The following CTNND2 variants were observed in gnomAD, a reference collection of about 807,000 sequenced individuals.
The protein encoded by CTNND2 is catenin delta-2.
Under a neutral mutation model 144.4 loss-of-function variants are expected in CTNND2, and 22 were observed. The ratio of observed to expected loss-of-function variants is 0.15; its 90% CI spans 0.11 to 0.22. The LOEUF is 0.22. CTNND2 is among the 10% of genes least tolerant of loss of function. The pLI is 1.00. For missense variants in CTNND2, 1,353 were observed against 1,618.8 expected (o/e 0.84, Z 2.82); for synonymous variants, 751 against 695.6 (o/e 1.08, Z -1.25).
At chr5:11,900,659 T>C (rs1045585209) in intron 1 of CTNND2, among the ~76,000 whole-genome samples, 1 of 152,216 alleles carries the variant, frequency 6.6e-6, no homozygotes, top group African/African-American at 2.4e-5. Context: ...ACCAGAAGGC[T>C]ATCAAAGTAC....
intron 3 of CTNND2, 138 bp downstream of exon 3, chr5:11,564,806 A>G (rs1275484243): frequency 3.3e-6 from 2 of 606,032 alleles, no homozygotes; most frequent in African/African-American, 3.7e-5. Flanking sequence ...AACATCTTAA[A>G]TCAGGTCAGT....
intron 2 of CTNND2, among the ~76,000 whole-genome samples, chr5:11,718,821 C>T (rs193216395): frequency 6.6e-6 from 1 of 152,186 alleles, no homozygotes; most frequent in Admixed American, 6.5e-5. Flanking sequence ...TTTTTCTCTA[C>T]CAAATATCCT....
intron 9 of CTNND2, among the ~76,000 whole-genome samples, chr5:11,289,581 A>C (rs758757172): frequency 1.3e-5 from 2 of 152,212 alleles, no homozygotes; most frequent in African/African-American, 2.4e-5. Context: ...TCCCTATGGT[A>C]TCAGTCAGAC....
intron 2 of CTNND2, among the ~76,000 whole-genome samples, chr5:11,609,763 G>A (rs1396260806): frequency 1.3e-5 from 2 of 152,162 alleles, no homozygotes; most frequent in African/African-American, 2.4e-5. Context: ...TGGGACCCAG[G>A]TGGGTTTGAA....
At chr5:11,765,675 C>T (rs1474854730) in intron 1 of CTNND2, among the ~76,000 whole-genome samples, 2 of 152,052 alleles carry the variant, frequency 1.3e-5, no homozygotes, top group African/African-American at 2.4e-5. Flanking sequence ...TTGGGGTCGT[C>T]TGTGTATGCA....
chr5:11,576,821 T>C (rs1160662887), intron 2 of CTNND2, among the ~76,000 whole-genome samples: 1 of 152,142 alleles, frequency 6.6e-6, no homozygotes, highest in Non-Finnish European at 1.5e-5. Context: ...AGTAGCTCTT[T>C]GAGAGTTGAA....
At chr5:11,433,489 G>T (rs1045054480) in intron 3 of CTNND2, among the ~76,000 whole-genome samples, 1 of 152,158 alleles carries the variant, frequency 6.6e-6, no homozygotes, top group Non-Finnish European at 1.5e-5. Flanking sequence ...TAAAAAAAGA[G>T]ATTTAATTGG....
chr5:10,997,752 C>T (rs913655368), intron 18 of CTNND2, among the ~76,000 whole-genome samples: 1 of 152,078 alleles, frequency 6.6e-6, no homozygotes, highest in Non-Finnish European at 1.5e-5. Flanking sequence ...TCGGGACAGT[C>T]GTTTAGTCAA....
At chr5:11,687,381 C>T (rs1784703754) in intron 2 of CTNND2, among the ~76,000 whole-genome samples, 1 of 152,228 alleles carries the variant, frequency 6.6e-6, no homozygotes, top group African/African-American at 2.4e-5. Flanking sequence ...TCCAGGGCCC[C>T]AGATAAAGCA....
Position 10,973,736 on chromosome 5 carries a change from A to C in CTNND2, c.3418-23T>G, listed in dbSNP as rs752990072. ...AACCTAAACGGGAAAGAAGAGCCACACTGGGTTACTTGGTTTCCCTTGACT... is the reference window on the plus strand; with the variant it reads ...AACCTAAACGGGAAAGAAGAGCCACCCTGGGTTACTTGGTTTCCCTTGACT... On this transcript the variant is annotated intron_variant, in intron 21 of 21. Coordinates refer to ENST00000304623, the MANE Select transcript of CTNND2 (RefSeq NM_001332.4). The surrounding 1 kb of genome is among the most constrained non-coding windows in gnomAD (Gnocchi z 5.6). The C allele has an allele frequency of 1.3e-6, 2 of 1,565,632 alleles. No homozygotes were observed. Among genetic ancestry groups the C allele is most frequent in the East Asian group, 4.5e-5 (2 of 44,488 alleles).
In CTNND2 at chr5:11,110,028, G is replaced by A. The variant is rs140483901; in HGVS notation, c.2463+830C>T. Reference sequence around the variant, plus strand: ...GTAAGCTCCTTGATGAGATAAATCAGTTTCCAGGCCCTGAAGTTAACCGCT... The same window carrying A: ...GTAAGCTCCTTGATGAGATAAATCAATTTCCAGGCCCTGAAGTTAACCGCT... On this transcript the variant is annotated intron_variant, in intron 14 of 21. Transcript: ENST00000304623. Among the ~76,000 whole-genome samples, 3 of 152,218 alleles carry A rather than the reference G, an allele frequency of 2.0e-5. No homozygotes were observed. The East Asian group carries it at 5.8e-4, about 29-fold the overall frequency.
At position 11,088,891 on chromosome 5, in the gene CTNND2, T is replaced by C. The variant is rs555354268; in HGVS notation, c.2638-6045A>G. Reference sequence around the variant, plus strand: ...ATTTAGATGACCTTACTGCAAATTATTATTGATTGCTGGTAGGGGATGAGT... The same window carrying C: ...ATTTAGATGACCTTACTGCAAATTACTATTGATTGCTGGTAGGGGATGAGT... On this transcript the variant is annotated intron_variant, in intron 15 of 21. Coordinates refer to ENST00000304623, the MANE Select transcript of CTNND2 (RefSeq NM_001332.4). Among the ~76,000 whole-genome samples, 6 of 152,328 alleles carry C rather than the reference T, an allele frequency of 3.9e-5. No homozygotes were observed. In the South Asian group the frequency reaches 1.2e-3, roughly 32 times the overall value.
chr5:11,651,384 A>G (rs1296279038), intron 2 of CTNND2, among the ~76,000 whole-genome samples: 1 of 152,244 alleles, frequency 6.6e-6, no homozygotes, highest in Non-Finnish European at 1.5e-5. Context: ...ATATGCAGGC[A>G]AAAGTCTGCT....
At chr5:11,104,688 C>G (rs953009958) in intron 14 of CTNND2, among the ~76,000 whole-genome samples, 1 of 152,012 alleles carries the variant, frequency 6.6e-6, no homozygotes, top group East Asian at 1.9e-4. Flanking sequence ...TGTCTGAATC[C>G]CCCAGGAGCT....
chr5:10,986,739 C>T (rs747931388), intron 20 of CTNND2: 21 of 453,096 alleles, frequency 4.6e-5, no homozygotes, highest in South Asian at 3.1e-4. Flanking sequence ...GCAGAATGTG[C>T]TCCTGGGGGC....
Position 11,033,803 on chromosome 5 carries a change from C to T in CTNND2, c.2789-10824G>A, listed in dbSNP as rs560649916. ...TGAGATCATGCCACTGTACTCCAGC[C>T]CAGGCAACAGAGTACGACTGTCTCA... On this transcript the variant is annotated intron_variant, in intron 16 of 21. Transcript: ENST00000304623. Among the ~76,000 whole-genome samples, 10 of 152,152 alleles carry T rather than the reference C, an allele frequency of 6.6e-5. No individual in the cohort carries two copies. The South Asian group carries it at 2.1e-3, about 32-fold the overall frequency.
chr5:11,593,562 G>C (rs1287479087), intron 2 of CTNND2, among the ~76,000 whole-genome samples: 2 of 152,114 alleles, frequency 1.3e-5, no homozygotes, highest in African/African-American at 4.8e-5. Context: ...CTGAATCATG[G>C]GGGCAGGTTT....
In CTNND2 at chr5:11,465,104, G is replaced by C. The variant is rs945249260; in HGVS notation, c.288-53035C>G. Among the ~76,000 whole-genome samples, 4 of 152,002 alleles carry C rather than the reference G, an allele frequency of 2.6e-5. No individual in the cohort carries two copies. The East Asian group carries it at 5.8e-4, about 22-fold the overall frequency. ...CATAACTGATTTTTGTCTTTTGGAA[G>C]GCACATTTTCCTTAAACAGTCATGT... On this transcript the variant is annotated intron_variant, in intron 3 of 21. Transcript: ENST00000304623.
intron 1 of CTNND2, among the ~76,000 whole-genome samples, chr5:11,832,474 C>A (rs929335402): frequency 6.6e-6 from 1 of 151,972 alleles, no homozygotes; most frequent in Non-Finnish European, 1.5e-5. Context: ...AGAAACAGAA[C>A]AACACAACTA....
Sources: gnomAD v4.1 joint callset for allele counts (sites outside exome capture counted in the v4.1 genomes callset) on GRCh38, gnomAD v4.1.1 for gene constraint, Gnocchi (gnomAD v3.1) non-coding constraint, MANE v1.5 for transcripts, NCBI Gene and HGNC (gene_info 2026-07-23, HGNC 2026-07-21) for gene names.